ATP10B: variants seen among roughly 807,000 people sequenced by gnomAD.
The protein encoded by ATP10B is phospholipid-transporting ATPase VB.
In ATP10B, 122 loss-of-function variants were observed where a neutral mutation model predicts 141.2. The ratio of observed to expected loss-of-function variants is 0.86; its 90% CI spans 0.75 to 1.00. The LOEUF (loss-of-function observed/expected upper bound fraction) is 1.00. Among genes scored for constraint, ATP10B ranks in the 50% least tolerant of loss-of-function variants. The pLI is 0.00. For missense variants in ATP10B, 1,876 were observed against 1,825.3 expected (o/e 1.03, Z -0.51); for synonymous variants, 685 against 692.0 (o/e 0.99, Z 0.16).
At chr5:160,632,553 T>G in intron 12 of ATP10B, 186 bp from the exon 13 acceptor site, 1 of 541,144 alleles carries the variant, frequency 1.8e-6, no homozygotes, top group Non-Finnish European at 3.3e-6. Flanking sequence ...ATTCAAACTC[T>G]AGTGGACTAC....
At chr5:160,668,915 A>T (rs1223235335) in intron 7 of ATP10B, among the ~76,000 whole-genome samples, 1 of 152,240 alleles carries the variant, frequency 6.6e-6, no homozygotes, top group Non-Finnish European at 1.5e-5. Context: ...GCTTAGAGAG[A>T]GGCAAGGCAA....
At chr5:160,755,297 C>T (rs185290325) in intron 2 of ATP10B, among the ~76,000 whole-genome samples, 8 of 152,252 alleles carry the variant, frequency 5.3e-5, no homozygotes, top group Admixed American at 3.9e-4. Flanking sequence ...ATATCCGCCC[C>T]ATGATCCAAT....
chr5:160,675,878 A>T (rs1401163773), intron 6 of ATP10B, among the ~76,000 whole-genome samples: 2 of 41,278 alleles, frequency 4.8e-5, no homozygotes, highest in African/African-American at 7.7e-5. Flanking sequence ...GGGGTGGGGG[A>T]GGGGGGGCGA....
intron 16 of ATP10B, 76 bp downstream of exon 16, chr5:160,617,788 A>G: frequency 7.9e-7 from 1 of 1,261,474 alleles, no homozygotes; most frequent in Non-Finnish European, 1.2e-6. Context: ...GGTCTTTTAT[A>G]AAGAAAAAGA....
At chr5:160,896,139 A>G in the ATP10B span, among the ~76,000 whole-genome samples, 1 of 152,164 alleles carries the variant, frequency 6.6e-6, no homozygotes, top group East Asian at 1.9e-4. Context: ...GAAAAGAACT[A>G]GAGAAGCAAG....
At chr5:160,621,038 G>T in intron 14 of ATP10B, 88 bp from the exon 15 acceptor site, 2 of 1,460,842 alleles carry the variant, frequency 1.4e-6, no homozygotes, top group Non-Finnish European at 1.8e-6. Context: ...AGGTACTTTT[G>T]CAATAAGTGA....
chr5:160,885,010 G>A, the ATP10B span, among the ~76,000 whole-genome samples: 2 of 152,032 alleles, frequency 1.3e-5, no homozygotes, highest in Non-Finnish European at 2.9e-5. Context: ...TCCAATCACC[G>A]TTGGAACTGG....
chr5:160,874,360 C>G, the ATP10B span, among the ~76,000 whole-genome samples: 1 of 152,080 alleles, frequency 6.6e-6, no homozygotes, highest in Admixed American at 6.5e-5. Flanking sequence ...ACAGAAAGGA[C>G]ATCCACACCA....
At chr5:160,794,469 CAA>C (rs1237344173) in intron 1 of ATP10B, among the ~76,000 whole-genome samples, 1 of 152,162 alleles carries the variant, frequency 6.6e-6, no homozygotes, top group Non-Finnish European at 1.5e-5. Context: ...CAAAGCCAAT[CAA>C]AGTCTTTTTA....
chr5:160,819,305 A>T (rs1269359471), intron 1 of ATP10B, among the ~76,000 whole-genome samples: 1 of 152,140 alleles, frequency 6.6e-6, no homozygotes, highest in Non-Finnish European at 1.5e-5. Context: ...AAAAAAAATT[A>T]TCCTAGAGTA....
the ATP10B span, among the ~76,000 whole-genome samples, chr5:160,882,002 G>T: frequency 2.0e-5 from 3 of 152,004 alleles, no homozygotes; most frequent in Admixed American, 2.0e-4. Flanking sequence ...CTAAGTTAAA[G>T]AAGCCAATCT....
At chr5:160,720,574 C>A (rs1765929707) in intron 2 of ATP10B, among the ~76,000 whole-genome samples, 2 of 152,216 alleles carry the variant, frequency 1.3e-5, no homozygotes, top group East Asian at 3.8e-4. Context: ...AAATCTTGAT[C>A]CTTGTTGTGT....
At position 160,688,102 on chromosome 5, in the gene ATP10B, C is replaced by T; in HGVS notation, c.-20-8G>A. 1 of 1,602,910 alleles carries T rather than the reference C, an allele frequency of 6.2e-7. No homozygotes were observed. The highest frequency in any genetic ancestry group is 1.3e-5 in the African/African-American group (1 of 74,842). On this transcript the variant is annotated splice_polypyrimidine_tract_variant and splice_region_variant and intron_variant, in intron 4 of 25. Transcript: ENST00000327245. ...CCAGCAGCAGGCGAAGATCTGAAAACAGACACAGGAGGAGCTATGTTTAGG... is the reference window on the plus strand; with the variant it reads ...CCAGCAGCAGGCGAAGATCTGAAAATAGACACAGGAGGAGCTATGTTTAGG...
chr5:160,569,425 G>A, intron 25 of ATP10B, 71 bp downstream of exon 25: 1 of 1,498,702 alleles, frequency 6.7e-7, no homozygotes, highest in Non-Finnish European at 9.2e-7. Flanking sequence ...CCTGACTCTT[G>A]GGTTATAAAA....
chr5:160,724,391 G>A (rs1315154627), intron 2 of ATP10B, among the ~76,000 whole-genome samples: 8 of 151,496 alleles, frequency 5.3e-5, no homozygotes, highest in Non-Finnish European at 1.2e-4. Flanking sequence ...CCAAAGTGCT[G>A]GAATTACAGG....
At chr5:160,762,953 C>T (rs1769149275) in intron 2 of ATP10B, among the ~76,000 whole-genome samples, 1 of 151,838 alleles carries the variant, frequency 6.6e-6, no homozygotes, top group Admixed American at 6.6e-5. Context: ...GAAACAACAG[C>T]TAAAAAAGGC....
At chr5:160,585,115 C>T (rs1006760344) in intron 24 of ATP10B, among the ~76,000 whole-genome samples, 3 of 152,106 alleles carry the variant, frequency 2.0e-5, no homozygotes, top group Non-Finnish European at 4.4e-5. Context: ...TCCTGATATT[C>T]CTATTTAGAG....
chr5:160,706,668 C>T (rs556396847), intron 3 of ATP10B, among the ~76,000 whole-genome samples: 8 of 152,206 alleles, frequency 5.3e-5, no homozygotes, highest in South Asian at 2.1e-4. Flanking sequence ...AAAATTGCAA[C>T]GATAATACAG....
chr5:160,795,827 T>TC (rs1485486845), intron 1 of ATP10B, among the ~76,000 whole-genome samples: 7 of 152,108 alleles, frequency 4.6e-5, no homozygotes, highest in African/African-American at 1.7e-4. Context: ...TAATGGATTC[T>TC]CCCCTACAGC....
Sources: allele counts gnomAD v4.1 joint callset (sites outside exome capture counted in the v4.1 genomes callset), GRCh38; gene constraint gnomAD v4.1.1; transcripts MANE v1.5; gene names NCBI Gene and HGNC (gene_info 2026-07-23, HGNC 2026-07-21).